The following EPHB1 variants were observed in gnomAD, a reference collection of about 807,000 sequenced individuals.
EPHB1 encodes ephrin type-B receptor 1.
Under a neutral mutation model 94.4 loss-of-function variants are expected in EPHB1, and 30 were observed. That is an observed-to-expected ratio of 0.32 (90% CI 0.24 to 0.43). EPHB1 has a LOEUF of 0.43. Ranked by LOEUF, EPHB1 falls within the 20% of genes least tolerant of loss-of-function variation. EPHB1 has a pLI of 1.00. For missense variants in EPHB1, 1,055 were observed against 1,308.3 expected, an observed-to-expected ratio of 0.81 and a Z score of 2.99; for synonymous variants, 522 against 489.1, an observed-to-expected ratio of 1.07 and a Z score of -0.89.
chr3:134,941,800 A>ACACAC (rs2039124328), intron 2 of EPHB1, among the ~76,000 whole-genome samples: 1 of 93,374 alleles, frequency 1.1e-5, no homozygotes, highest in Non-Finnish European at 2.2e-5. Context: ...CACACACACA[A>ACACAC]TCAGCCAGAC....
chr3:135,067,324 CT>C (rs1330075248), intron 3 of EPHB1, among the ~76,000 whole-genome samples: 9 of 152,000 alleles, frequency 5.9e-5, no homozygotes, highest in South Asian at 4.2e-4. Flanking sequence ...GGAGGCAGGG[CT>C]AGGCATGTCT....
chr3:134,853,771 G>A (rs1490135349), intron 1 of EPHB1, among the ~76,000 whole-genome samples: 1 of 152,172 alleles, frequency 6.6e-6, no homozygotes, highest in Non-Finnish European at 1.5e-5. Context: ...GAAAAGAGAA[G>A]GCTTTGGGGA....
At chr3:135,199,829 AG>A (rs1942711366) in intron 11 of EPHB1, among the ~76,000 whole-genome samples, 1 of 152,204 alleles carries the variant, frequency 6.6e-6, no homozygotes, top group Admixed American at 6.5e-5. Context: ...TTTTTATAAC[AG>A]GTCTTTTATT....
At chr3:135,069,237 G>A (rs1057401534) in intron 3 of EPHB1, among the ~76,000 whole-genome samples, 7 of 150,908 alleles carry the variant, frequency 4.6e-5, no homozygotes, top group South Asian at 2.1e-4. Context: ...TTTGTATTGC[G>A]CTCTCTTAAG....
Position 135,248,323 on chromosome 3 carries a change from A to G in EPHB1, c.2504A>G (p.Asn835Ser), listed in dbSNP as rs770318260. 1 of 1,584,786 alleles carries G rather than the reference A, an allele frequency of 6.3e-7. No homozygotes were observed. The highest frequency in any genetic ancestry group is 1.3e-5 in the African/African-American group (1 of 74,530). ...YWDMSNQDVI[N>S]AIEQDYRLPP... ...CCCTGTATGTCACTGCAGGTCATCA[A>G]TGCCATCGAGCAGGACTACCGGCTG... The change falls in exon 14 of 16, where the codon AAT (asparagine) becomes AGT (serine). Residue 835 changes from asparagine (N) to serine (S), a missense_variant. Coordinates refer to ENST00000398015, the MANE Select transcript of EPHB1 (RefSeq NM_004441.5).
intron 3 of EPHB1, among the ~76,000 whole-genome samples, chr3:135,029,237 G>C (rs1186227356): frequency 6.9e-6 from 1 of 144,366 alleles, no homozygotes; most frequent in African/African-American, 2.5e-5. Flanking sequence ...AAAGTTAATA[G>C]TGTTATGTGT....
chr3:135,099,450 G>A (rs1938948928), intron 3 of EPHB1, among the ~76,000 whole-genome samples: 1 of 152,182 alleles, frequency 6.6e-6, no homozygotes. Flanking sequence ...GGAAATGGGA[G>A]CTCCCATAAG....
intron 3 of EPHB1, among the ~76,000 whole-genome samples, chr3:135,057,116 G>A (rs1445676700): frequency 6.6e-6 from 1 of 152,156 alleles, no homozygotes; most frequent in East Asian, 1.9e-4. Context: ...CCAGAATCTG[G>A]TGAGGAGGGG....
chr3:135,224,108 T>C (rs1174001797), intron 12 of EPHB1, among the ~76,000 whole-genome samples: 9 of 152,358 alleles, frequency 5.9e-5, no homozygotes, highest in Non-Finnish European at 1.2e-4. Flanking sequence ...TTCTTCATAG[T>C]ACCATGCTAT....
chr3:135,167,102 T>TC (rs1414974341), intron 9 of EPHB1, 96 bp downstream of exon 9: 1 of 1,419,312 alleles, frequency 7.0e-7, no homozygotes, highest in Non-Finnish European at 9.8e-7. Flanking sequence ...GACTGGCTGG[T>TC]CCCAGTGGCA....
intron 3 of EPHB1, among the ~76,000 whole-genome samples, chr3:135,045,222 C>A (rs1936964191): frequency 6.6e-6 from 1 of 151,846 alleles, no homozygotes; most frequent in African/African-American, 2.4e-5. Context: ...GCAATGACAC[C>A]AAAATGCACT....
At chr3:134,952,124 T>A in intron 3 of EPHB1, 72 bp downstream of exon 3, 1 of 1,476,248 alleles carries the variant, frequency 6.8e-7, no homozygotes, top group Middle Eastern at 2.2e-4. Context: ...CCACCAATAA[T>A]TCTGGGTCAT....
chr3:134,803,506 G>T (rs1463261933), intron 1 of EPHB1, among the ~76,000 whole-genome samples: 1 of 152,176 alleles, frequency 6.6e-6, no homozygotes, highest in Non-Finnish European at 1.5e-5. Context: ...AAGCAGGACT[G>T]GAGGTCGGTT....
rs779958848 is a variant in EPHB1 at position 135,248,304 on chromosome 3, A to G, written c.2497-12A>G. ...TCACTCAATCACACCTGTTCCCTGT[A>G]TGTCACTGCAGGTCATCAATGCCAT... On this transcript the variant is annotated splice_polypyrimidine_tract_variant and intron_variant, in intron 13 of 15. Transcript: ENST00000398015. 3 of 1,564,116 alleles carry G rather than the reference A, an allele frequency of 1.9e-6. No individual in the cohort carries two copies. Among genetic ancestry groups the G allele is most frequent in the Admixed American group, 3.5e-5 (2 of 57,488 alleles).
chr3:135,116,815 A>G (rs1032997338), intron 4 of EPHB1, among the ~76,000 whole-genome samples: 2 of 152,060 alleles, frequency 1.3e-5, no homozygotes, highest in Admixed American at 6.5e-5. Flanking sequence ...CTTGGAGACT[A>G]CCTATACTCT....
chr3:134,939,448 T>C (rs2039074733), intron 2 of EPHB1, among the ~76,000 whole-genome samples: 1 of 152,142 alleles, frequency 6.6e-6, no homozygotes, highest in Non-Finnish European at 1.5e-5. Flanking sequence ...TATTGGAAGG[T>C]AAGCTGGTGC....
intron 5 of EPHB1, among the ~76,000 whole-genome samples, chr3:135,148,388 A>G (rs1468534204): frequency 3.9e-5 from 6 of 152,228 alleles, no homozygotes; most frequent in Admixed American, 2.0e-4. Context: ...TCAGAACTCT[A>G]GGATCCAGAG....
chr3:135,248,217 C>T (rs1449627361), intron 13 of EPHB1, 99 bp from the exon 14 acceptor site: 12 of 1,172,818 alleles, frequency 1.0e-5, no homozygotes, highest in Non-Finnish European at 1.4e-5. Context: ...GCATCTGAGA[C>T]AGCCTGGATC....
intron 2 of EPHB1, among the ~76,000 whole-genome samples, chr3:134,937,912 CTTT>C (rs113610495): frequency 3.3e-5 from 4 of 122,608 alleles, no homozygotes; most frequent in Admixed American, 8.4e-5. Context: ...TGGTTCCCTC[CTTT>C]TTTTTTTTTT....
Sources: gnomAD v4.1 joint callset for allele counts (sites outside exome capture counted in the v4.1 genomes callset) on GRCh38, gnomAD v4.1.1 for gene constraint, MANE v1.5 for transcripts, NCBI Gene and HGNC (gene_info 2026-07-23, HGNC 2026-07-21) for gene names.